Variants in CDC42 observed in about 807,000 individuals in gnomAD.
CDC42 encodes the protein cell division control protein 42 homolog.
CDC42 carries 1 observed loss-of-function variant against 20.8 expected under a neutral mutation model. The observed-to-expected ratio is 0.05, with a 90% confidence interval of 0.02 to 0.23. The LOEUF (loss-of-function observed/expected upper bound fraction) is 0.23, where lower values mean the gene tolerates loss of function less well. Among genes scored for constraint, CDC42 ranks in the 10% least tolerant of loss-of-function variants. CDC42 has a pLI of 1.00. For missense variants in CDC42, 49 were observed against 227.9 expected, an observed-to-expected ratio of 0.21 and a Z score of 5.05; for synonymous variants, 72 against 84.8, an observed-to-expected ratio of 0.85 and a Z score of 0.83.
At chr1:22,058,105 C>CA (rs1645323762) in intron 1 of CDC42, among the ~76,000 whole-genome samples, 2 of 152,142 alleles carry the variant, frequency 1.3e-5, no homozygotes, top group Non-Finnish European at 2.9e-5. Flanking sequence ...GCAGTATAGT[C>CA]TGTGGACCCA....
At chr1:22,071,668 A>G (rs900204885) in intron 1 of CDC42, among the ~76,000 whole-genome samples, 3 of 152,202 alleles carry the variant, frequency 2.0e-5, no homozygotes, top group Non-Finnish European at 4.4e-5. Flanking sequence ...GTTTAATCCT[A>G]CAACCAGACT....
At chr1:22,079,485 T>C (rs1041828994) in intron 2 of CDC42, among the ~76,000 whole-genome samples, 8 of 151,960 alleles carry the variant, frequency 5.3e-5, no homozygotes, top group Non-Finnish European at 2.9e-5. Flanking sequence ...AGAAGGAAGA[T>C]GGGAATAACA....
At chr1:22,058,189 T>C (rs922833146) in intron 1 of CDC42, among the ~76,000 whole-genome samples, 3 of 152,192 alleles carry the variant, frequency 2.0e-5, no homozygotes, top group Non-Finnish European at 4.4e-5. Flanking sequence ...CAGAATCTTA[T>C]TTTAATAAGA....
At chr1:22,064,691 C>T (rs1230200617) in intron 1 of CDC42, among the ~76,000 whole-genome samples, 1 of 146,172 alleles carries the variant, frequency 6.8e-6, no homozygotes, top group Non-Finnish European at 1.5e-5. Flanking sequence ...AGAGAAGATT[C>T]TTTTTTTTTT....
In CDC42 at chr1:22,086,998, T is replaced by A. The variant is rs898099936; in HGVS notation, c.486+132T>A. ...CAGCAAGAATATGAACAGCTTCATATTGTATGTTCTTTTGTTAGAGGCCTC... is the reference window on the plus strand; with the variant it reads ...CAGCAAGAATATGAACAGCTTCATAATGTATGTTCTTTTGTTAGAGGCCTC... On this transcript the variant is annotated intron_variant, in intron 5 of 5. Transcript: ENST00000656825. 1.1e-5 allele frequency: 8 copies of A among 720,248 alleles called. No homozygotes were observed. The African/African-American group carries it at 1.4e-4, about 13-fold the overall frequency. The allele number at this position is 720,248 out of a possible 1,614,324, so 44.6% of individuals were successfully genotyped here.
intron 3 of CDC42, among the ~76,000 whole-genome samples, chr1:22,084,446 C>G (rs1450329492): frequency 6.9e-6 from 1 of 144,794 alleles, no homozygotes; most frequent in African/African-American, 2.6e-5. Flanking sequence ...TGTTGAGCAT[C>G]TTATGGCCAT....
At chr1:22,062,081 A>C (rs1645372439) in intron 1 of CDC42, among the ~76,000 whole-genome samples, 1 of 151,724 alleles carries the variant, frequency 6.6e-6, no homozygotes, top group Non-Finnish European at 1.5e-5. Context: ...GACTACAGGC[A>C]TGTGCCACCA....
In CDC42 at chr1:22,096,005, G is replaced by A. The variant is rs945596322; in HGVS notation, c.*4488G>A. 6.6e-6 allele frequency among the ~76,000 whole-genome samples: 1 copy of A among 151,926 alleles called. No homozygotes were observed. The highest frequency in any genetic ancestry group is 2.4e-5 in the African/African-American group (1 of 41,336). On this transcript the variant is annotated 3_prime_UTR_variant, in exon 6 of 6. Coordinates refer to ENST00000656825, the MANE Select transcript of CDC42 (RefSeq NM_001791.4). ...GACGGGGTCTTGCACTGTTGCCCGG[G>A]CTGGAGTGCAGTGGTGGCATCTCCG...
At chr1:22,060,368 T>C (rs1165206158) in intron 1 of CDC42, among the ~76,000 whole-genome samples, 2 of 151,850 alleles carry the variant, frequency 1.3e-5, no homozygotes, top group African/African-American at 4.8e-5. Flanking sequence ...TTATTGCAAT[T>C]CATTACTCCA....
At chr1:22,087,016 G>A in intron 5 of CDC42, 150 bp downstream of exon 5, 1 of 668,972 alleles carries the variant, frequency 1.5e-6, no homozygotes, top group Non-Finnish European at 2.6e-6. Context: ...TCTTTTGTTA[G>A]AGGCCTCTGT....
rs1232290709 is a variant in CDC42 at position 22,061,528 on chromosome 1, CTTTCTTTTTTTTTTT to C, written c.-51+8790_-51+8804del. Among the ~76,000 whole-genome samples the C allele has an allele frequency of 6.7e-3, 578 of 86,284 alleles. 31 individuals are homozygous for C. The highest frequency in any genetic ancestry group is 0.02 in the African/African-American group (449 of 22,420). The allele number at this position is 86,284 out of a possible 152,430, so 56.6% of individuals were successfully genotyped here. A position where few individuals can be genotyped will look rare whatever the true frequency, so the allele number is the denominator to read the frequency against. ...GGTCAATCAGTTTAACTTCATGTTT[CTTTCTTTTTTTTTTT>C]TTTTTTTTTTTTTTTTTTGAGATGG... On this transcript the variant is annotated intron_variant, in intron 1 of 5. Coordinates refer to ENST00000656825, the MANE Select transcript of CDC42 (RefSeq NM_001791.4).
chr1:22,078,300 T>C (rs1645572825), intron 1 of CDC42, 129 bp from the exon 2 acceptor site: 3 of 492,552 alleles, frequency 6.1e-6, no homozygotes, highest in African/African-American at 2.0e-5. Context: ...GTGTCTCTTA[T>C]TGGGTTCTTT....
In CDC42 at chr1:22,095,846, G is replaced by A. The variant is rs1557911815; in HGVS notation, c.*4329G>A. Among the ~76,000 whole-genome samples, 1 of 152,122 alleles carries A rather than the reference G, an allele frequency of 6.6e-6. No individual in the cohort carries two copies. Among genetic ancestry groups the A allele is most frequent in the Non-Finnish European group, 1.5e-5 (1 of 68,040 alleles). ...GTGGACTTGCTTATGGTGGGCCAAAGAGGGGCAAGGGAAAGCGCATTTACA... is the reference window on the plus strand; with the variant it reads ...GTGGACTTGCTTATGGTGGGCCAAAAAGGGGCAAGGGAAAGCGCATTTACA... On this transcript the variant is annotated 3_prime_UTR_variant, in exon 6 of 6. Transcript: ENST00000656825.
intron 2 of CDC42, among the ~76,000 whole-genome samples, chr1:22,080,744 G>A (rs568059111): frequency 6.6e-6 from 1 of 152,062 alleles, no homozygotes; most frequent in Non-Finnish European, 1.5e-5. Context: ...AAATAACTTC[G>A]TACAACCGAT....
rs753660519 is a variant in CDC42, at chr1:22,086,797, A to G, written c.417A>G (p.Pro139=). The change falls in exon 5 of 6, where the codon CCA becomes CCG. Residue 139 remains proline, a synonymous_variant. Transcript: ENST00000656825. ...AGAACAAACAGAAGCCTATCACTCC[A>G]GAGACTGCTGAAAAGCTGGCCCGTG... The part of the protein sequence containing the change: ...LAKNKQKPIT[P]ETAEKLARDL... The G allele has an allele frequency of 6.2e-6, 10 of 1,613,972 alleles. No individual in the cohort carries two copies. The highest frequency in any genetic ancestry group is 8.5e-6 in the Non-Finnish European group (10 of 1,179,986).
intron 1 of CDC42, among the ~76,000 whole-genome samples, chr1:22,063,308 A>G (rs916395985): frequency 1.3e-5 from 2 of 152,056 alleles, no homozygotes; most frequent in Non-Finnish European, 1.5e-5. Context: ...CCTTATAACC[A>G]GTAAAGTATA....
rs139697077 is a variant in CDC42, at chr1:22,075,148, C to A, written c.-50-3281C>A. ...TGTGAAACTTTAGCATGAGTAACTCCGTTTTGATTTTTAGTCTGGTCACTT... is the reference window on the plus strand; with the variant it reads ...TGTGAAACTTTAGCATGAGTAACTCAGTTTTGATTTTTAGTCTGGTCACTT... On this transcript the variant is annotated intron_variant, in intron 1 of 5. Coordinates refer to ENST00000656825, the MANE Select transcript of CDC42 (RefSeq NM_001791.4). Among the ~76,000 whole-genome samples, 16 of 152,218 alleles carry A rather than the reference C, an allele frequency of 1.1e-4. No individual in the cohort carries two copies. The South Asian group carries it at 3.1e-3, about 30-fold the overall frequency.
rs1378466856 is a variant in CDC42 at position 22,097,000 on chromosome 1, G to C, written c.*5483G>C. 6.6e-6 allele frequency among the ~76,000 whole-genome samples: 1 copy of C among 152,222 alleles called. No individual in the cohort carries two copies. The highest frequency in any genetic ancestry group is 1.5e-5 in the Non-Finnish European group (1 of 68,034). Reference sequence around the variant, plus strand: ...TATTTAGATAGTGGGATTGAAAATAGGCTAAGATGGAGAACTGGGTGGGGA... The same window carrying C: ...TATTTAGATAGTGGGATTGAAAATACGCTAAGATGGAGAACTGGGTGGGGA... On this transcript the variant is annotated 3_prime_UTR_variant, in exon 6 of 6. Coordinates refer to ENST00000656825, the MANE Select transcript of CDC42 (RefSeq NM_001791.4).
chr1:22,095,648 C>G lies in CDC42; in HGVS notation c.*4131C>G, dbSNP rs1307128649. ...TAAAAAAAATTCCTTATTTTATTCACTTGCCAGAATAATGTTGCATTTGAA... is the reference window on the plus strand; with the variant it reads ...TAAAAAAAATTCCTTATTTTATTCAGTTGCCAGAATAATGTTGCATTTGAA... On this transcript the variant is annotated 3_prime_UTR_variant, in exon 6 of 6. Transcript: ENST00000656825. Among the ~76,000 whole-genome samples the G allele has an allele frequency of 6.6e-6, 1 of 152,164 alleles. No individual in the cohort carries two copies. The highest frequency in any genetic ancestry group is 1.5e-5 in the Non-Finnish European group (1 of 68,030).
Sources: allele counts gnomAD v4.1 joint callset (sites outside exome capture counted in the v4.1 genomes callset), GRCh38; gene constraint gnomAD v4.1.1; transcripts MANE v1.5; gene names NCBI Gene and HGNC (gene_info 2026-07-23, HGNC 2026-07-21).